The following FURIN variants were observed in gnomAD, a reference collection of about 807,000 sequenced individuals.
FURIN encodes the protein FES upstream region.
Under a neutral mutation model 89.2 loss-of-function variants are expected in FURIN, and 18 were observed. The observed-to-expected ratio is 0.20, with a 90% CI of 0.14 to 0.30. FURIN has a LOEUF of 0.30. FURIN is among the 10% of genes least tolerant of loss of function. The pLI is 1.00. For missense variants in FURIN, 879 were observed against 1,100.5 expected, an observed-to-expected ratio of 0.80 and a Z score of 2.85; for synonymous variants, 508 against 466.4, an observed-to-expected ratio of 1.09 and a Z score of -1.15.
At position 90,872,803 on chromosome 15, in the gene FURIN, ACTG is replaced by A. The variant is rs1414187192; in HGVS notation, c.-159-2778_-159-2776del. On this transcript the variant is annotated intron_variant, in intron 1 of 15. Transcript: ENST00000268171. Reference sequence around the variant, plus strand: ...CGTGGTGTCTCTGCTAGAGGGAGAGACTGATTGGGTGTCCGAGTGGCCCTCCCG... The same window carrying A: ...CGTGGTGTCTCTGCTAGAGGGAGAGAATTGGGTGTCCGAGTGGCCCTCCCG... The A allele has an allele frequency of 2.0e-5, 3 of 152,070 alleles. No individual in the cohort carries two copies. The East Asian group carries it at 5.8e-4, about 29-fold the overall frequency. 9.4% of individuals were successfully genotyped at this position (152,070 alleles called of 1,614,324 possible).
chr15:90,874,721 A>C (rs2031510185), intron 1 of FURIN, among the ~76,000 whole-genome samples: 1 of 152,242 alleles, frequency 6.6e-6, no homozygotes, highest in Non-Finnish European at 1.5e-5. Context: ...ATTCCCATGT[A>C]AAACATACCT....
At chr15:90,871,103 C>T (rs2031263300) in intron 1 of FURIN, among the ~76,000 whole-genome samples, 1 of 152,164 alleles carries the variant, frequency 6.6e-6, no homozygotes, top group African/African-American at 2.4e-5. Context: ...CCTCCCTCGA[C>T]CTGGGAGTGG....
intron 8 of FURIN, 101 bp downstream of exon 8, chr15:90,878,405 T>G (rs1194205308): frequency 6.0e-6 from 6 of 992,306 alleles, no homozygotes; most frequent in Admixed American, 3.0e-5. Context: ...CATGTTTAAC[T>G]TTACACAAAG....
intron 7 of FURIN, 135 bp downstream of exon 7, chr15:90,877,750 T>C: frequency 1.5e-6 from 1 of 667,258 alleles, no homozygotes; most frequent in Non-Finnish European, 2.5e-6. Flanking sequence ...CCATGGAGGG[T>C]TCCCAAAGGG....
At chr15:90,879,025 G>A (rs1180060769) in intron 9 of FURIN, 49 bp downstream of exon 9, 26 of 1,209,878 alleles carry the variant, frequency 2.1e-5, no homozygotes, top group Non-Finnish European at 3.0e-5. Flanking sequence ...CTGCTGGCTG[G>A]CTCTGTCCAG....
intron 6 of FURIN, 123 bp downstream of exon 6, chr15:90,877,334 A>C (rs2151224277): frequency 1.0e-6 from 1 of 979,692 alleles, no homozygotes; most frequent in Non-Finnish European, 1.5e-6. Context: ...GTCCTGGCCC[A>C]CCTGGGGCTC....
At chr15:90,869,412 T>C (rs1476595530) in intron 1 of FURIN, among the ~76,000 whole-genome samples, 2 of 152,166 alleles carry the variant, frequency 1.3e-5, no homozygotes, top group Non-Finnish European at 2.9e-5. Flanking sequence ...TCAAATGGGA[T>C]TTTTTTCCAG....
intron 13 of FURIN, 137 bp from the exon 14 acceptor site, chr15:90,880,554 C>T (rs763544375): frequency 3.1e-6 from 3 of 956,728 alleles, no homozygotes; most frequent in Non-Finnish European, 4.6e-6. Flanking sequence ...TGAGAAACAG[C>T]CAAGCCAGCA....
Position 90,877,020 on chromosome 15 carries a change from A to G in FURIN, c.497A>G (p.Asn166Ser), listed in dbSNP as rs1567083192. Residue 166 changes from asparagine to serine, a missense_variant, in exon 5 of 16, where the codon AAT becomes AGT. By Grantham distance (46) the Asn-to-Ser change is conservative (BLOSUM62 1). Around this residue, in one of 5 missense-constraint regions of FURIN, gnomAD observed 139 missense variants for 215.0 expected, o/e 0.65. Transcript: ENST00000268171. ...AAGAACCACCCGGACTTGGCAGGCA[A>G]TTATGTGAGGAAGTCGGGGAGGGAG... The part of the protein sequence containing the change: ...IEKNHPDLAG[N>S]YDPGASFDVN... 2 of 1,614,104 alleles carry G rather than the reference A, an allele frequency of 1.2e-6. No homozygotes were observed. The highest frequency in any genetic ancestry group is 1.3e-5 in the African/African-American group (1 of 75,042).
chr15:90,874,451 C>T (rs553880107), intron 1 of FURIN, among the ~76,000 whole-genome samples: 17 of 152,332 alleles, frequency 1.1e-4, no homozygotes, highest in African/African-American at 3.6e-4. Flanking sequence ...ACTGTAAAAA[C>T]GAGTCTGGGG....
Position 90,876,263 on chromosome 15 carries a change from G to A in FURIN, c.186G>A (p.Gly62=), listed in dbSNP as rs1330934346. Residue 62 remains glycine (G), a synonymous_variant, in exon 3 of 16, where the codon GGG becomes GGA. Transcript: ENST00000268171. The surrounding 1 kb of genome is among the most constrained non-coding windows in gnomAD (Gnocchi z 5.0). ...HGFLNLGQIF[G]DYYHFWHRGV... is the part of the protein sequence containing the mutation. Reference sequence around the variant, plus strand: ...TCCCTGCTCTATTGCAGATCTTCGGGGACTATTACCACTTCTGGCATCGAG... The same window carrying A: ...TCCCTGCTCTATTGCAGATCTTCGGAGACTATTACCACTTCTGGCATCGAG... 1 of 1,604,444 alleles carries A rather than the reference G, an allele frequency of 6.2e-7. No individual in the cohort carries two copies.
At position 90,882,167 on chromosome 15, in the gene FURIN, G is replaced by A. The variant is rs563644807; in HGVS notation, c.*289G>A. On this transcript the variant is annotated 3_prime_UTR_variant, in exon 16 of 16. Transcript: ENST00000268171. ...CCCCGGCCCCAGCCAGAGTTCCTGC[G>A]GAGTGAAGAGGGGCAGCCCTTGCTT... is the stretch of plus-strand genomic sequence containing the variant. The A allele has an allele frequency of 7.4e-6, 3 of 407,480 alleles. No individual in the cohort carries two copies. Among genetic ancestry groups the A allele is most frequent in the South Asian group, 2.8e-5 (1 of 35,314 alleles). 25.2% of individuals were successfully genotyped at this position (407,480 alleles called of 1,614,324 possible). A position where few individuals can be genotyped will look rare whatever the true frequency, so the allele number is the denominator to read the frequency against.
At chr15:90,880,842 G>A in intron 14 of FURIN, 27 bp downstream of exon 14, 1 of 1,611,630 alleles carries the variant, frequency 6.2e-7, no homozygotes, top group Non-Finnish European at 8.5e-7. Context: ...AGGGGTAGGG[G>A]TACGAGGTGG....
chr15:90,869,166 GC>G (rs2031172516), intron 1 of FURIN, among the ~76,000 whole-genome samples: 1 of 152,122 alleles, frequency 6.6e-6, no homozygotes, highest in Non-Finnish European at 1.5e-5. Context: ...CCCCTTTACA[GC>G]CCCCACTTAC....
At chr15:90,870,685 T>C (rs917716640) in intron 1 of FURIN, among the ~76,000 whole-genome samples, 4 of 152,188 alleles carry the variant, frequency 2.6e-5, no homozygotes, top group African/African-American at 7.2e-5. Flanking sequence ...AAACGTTTTC[T>C]AGGGCCCAGG....
chr15:90,870,693 A>G (rs1483429984), intron 1 of FURIN, among the ~76,000 whole-genome samples: 3 of 152,220 alleles, frequency 2.0e-5, no homozygotes, highest in Non-Finnish European at 2.9e-5. Context: ...TCTAGGGCCC[A>G]GGGAGGGAGA....
At position 90,881,221 on chromosome 15, in the gene FURIN, G is replaced by A; in HGVS notation, c.1793-65G>A. ...GGATGTGGTGACTTGGCTTGGGGCT[G>A]CTGTGGTCCTGGGGCTACAGTCTGT... is the stretch of plus-strand genomic sequence containing the variant. On this transcript the variant is annotated intron_variant, in intron 15 of 15. Transcript: ENST00000268171. This position sits in a 1 kb window ranked among gnomAD's most constrained non-coding sequence, Gnocchi z 4.3. 7.5e-7 allele frequency: 1 copy of A among 1,341,444 alleles called. No homozygotes were observed. The highest frequency in any genetic ancestry group is 1.3e-5 in the South Asian group (1 of 76,730). 83.1% of individuals were successfully genotyped at this position (1,341,444 alleles called of 1,614,324 possible).
chr15:90,876,671 C>T lies in FURIN; in HGVS notation c.372+114C>T, dbSNP rs2031649158. On this transcript the variant is annotated intron_variant, in intron 4 of 15. Transcript: ENST00000268171. The surrounding 1 kb of genome is among the most constrained non-coding windows in gnomAD (Gnocchi z 5.0). The stretch of plus-strand genomic sequence containing the variant: ...GGCCTCCTCTGATTCGTTTCCTTTC[C>T]TCCTGCTGGGCAGTCTCTCCTTGGC... 8.2e-6 allele frequency: 7 copies of T among 851,448 alleles called. No individual in the cohort carries two copies. Among genetic ancestry groups the T allele is most frequent in the Admixed American group, 2.0e-5 (1 of 49,080 alleles). The allele number at this position is 851,448 out of a possible 1,614,324, so 52.7% of individuals were successfully genotyped here.
chr15:90,880,390 C>T (rs1298412681), intron 13 of FURIN, 117 bp downstream of exon 13: 1 of 855,238 alleles, frequency 1.2e-6, no homozygotes, highest in Non-Finnish European at 1.8e-6. Flanking sequence ...GTGGGGCACT[C>T]TTGGCATTTT....
Sources: gnomAD v4.1 joint callset for allele counts (sites outside exome capture counted in the v4.1 genomes callset) on GRCh38, gnomAD v4.1.1 for gene constraint, gnomAD v4.1.1 regional missense constraint, Gnocchi (gnomAD v3.1) non-coding constraint, MANE v1.5 for transcripts, NCBI Gene and HGNC (gene_info 2026-07-23, HGNC 2026-07-21) for gene names.